PTPRG: variants seen among roughly 807,000 people sequenced by gnomAD.
PTPRG encodes the protein receptor-type tyrosine-protein phosphatase gamma.
In PTPRG, 102 loss-of-function variants were observed where a neutral mutation model predicts 165.3. The ratio of observed to expected loss-of-function variants is 0.62; its 90% confidence interval spans 0.53 to 0.73. The LOEUF is 0.73. Among genes scored for constraint, PTPRG ranks in the 30% least tolerant of loss-of-function variants. The probability of loss-of-function intolerance (pLI) is 0.00; values close to 1 mark genes in which losing one functional copy is unlikely to be tolerated. For missense variants in PTPRG, 1,866 were observed against 1,861.4 expected, an observed-to-expected ratio of 1.00 and a Z score of -0.05; for synonymous variants, 675 against 669.5, an observed-to-expected ratio of 1.01 and a Z score of -0.13.
At chr3:62,097,689 G>T (rs1284647115) in intron 5 of PTPRG, among the ~76,000 whole-genome samples, 1 of 152,160 alleles carries the variant, frequency 6.6e-6, no homozygotes, top group Non-Finnish European at 1.5e-5. Context: ...AACAAAGTGT[G>T]CATTTTTAAT....
chr3:61,695,373 T>C (rs1309933968), intron 1 of PTPRG, among the ~76,000 whole-genome samples: 1 of 152,218 alleles, frequency 6.6e-6, no homozygotes, highest in Non-Finnish European at 1.5e-5. Context: ...AGTTCCTGCA[T>C]TGGCTTGAGG....
At chr3:61,850,109 G>A (rs961179801) in intron 2 of PTPRG, among the ~76,000 whole-genome samples, 1 of 151,914 alleles carries the variant, frequency 6.6e-6, no homozygotes, top group African/African-American at 2.4e-5. Context: ...TAACGTGTAT[G>A]TATGTTTATA....
intron 1 of PTPRG, among the ~76,000 whole-genome samples, chr3:61,603,009 G>A (rs533174611): frequency 6.6e-6 from 1 of 152,266 alleles, no homozygotes; most frequent in East Asian, 1.9e-4. Context: ...ATAATGGTTT[G>A]CTACTGCACA....
intron 2 of PTPRG, among the ~76,000 whole-genome samples, chr3:61,971,810 A>C (rs780301752): frequency 1.1e-4 from 16 of 152,264 alleles, no homozygotes; most frequent in Non-Finnish European, 2.2e-4. Context: ...AGCATATATA[A>C]ATTATACCTC....
chr3:61,989,662 C>A lies in PTPRG; in HGVS notation c.228C>A (p.Val76=). 3.7e-6 allele frequency: 6 copies of A among 1,614,118 alleles called. No individual in the cohort carries two copies. The highest frequency in any genetic ancestry group is 4.2e-6 in the Non-Finnish European group (5 of 1,179,988). The change falls in exon 3 of 30, where the codon GTC becomes GTA. Residue 76 remains valine, a synonymous_variant. Transcript: ENST00000474889. ...YGPEHWVTSS[V]SCGGRHQSPI... is the part of the protein sequence containing the mutation. The stretch of plus-strand genomic sequence containing the variant: ...CTGAGCACTGGGTCACGTCTAGTGT[C>A]AGCTGTGGGGGCCGTCACCAGTCTC...
intron 2 of PTPRG, among the ~76,000 whole-genome samples, chr3:61,897,436 C>T (rs1213410911): frequency 1.3e-5 from 2 of 152,064 alleles, no homozygotes; most frequent in African/African-American, 4.8e-5. Context: ...TCTTCTGTTC[C>T]ATTGATTGAT....
intron 2 of PTPRG, among the ~76,000 whole-genome samples, chr3:61,915,608 C>T (rs1290322381): frequency 6.6e-6 from 1 of 152,172 alleles, no homozygotes; most frequent in Non-Finnish European, 1.5e-5. Context: ...AATCCTTGTT[C>T]AGAAGCTATA....
chr3:61,710,040 G>T (rs1220885883), intron 1 of PTPRG, among the ~76,000 whole-genome samples: 2 of 152,328 alleles, frequency 1.3e-5, no homozygotes, highest in East Asian at 3.9e-4. Flanking sequence ...TGTTTGCCAA[G>T]TTACTGTGAG....
chr3:62,179,544 G>GCTGA, intron 8 of PTPRG, among the ~76,000 whole-genome samples: 1 of 152,368 alleles, frequency 6.6e-6, no homozygotes, highest in East Asian at 1.9e-4. Context: ...TGAGGAGTGT[G>GCTGA]CTGACTGTTG....
intron 4 of PTPRG, among the ~76,000 whole-genome samples, chr3:62,009,080 A>G (rs766876023): frequency 2.0e-5 from 3 of 152,258 alleles, no homozygotes; most frequent in Admixed American, 6.5e-5. Context: ...ACATTTCTTC[A>G]TATCTGGTTT....
chr3:62,215,697 G>A (rs1327205160), intron 12 of PTPRG, among the ~76,000 whole-genome samples: 1 of 152,050 alleles, frequency 6.6e-6, no homozygotes, highest in Non-Finnish European at 1.5e-5. Flanking sequence ...CTATGCTGGT[G>A]GTTCTCACTT....
chr3:62,191,835 T>C (rs774915165), intron 9 of PTPRG, among the ~76,000 whole-genome samples, 182 bp downstream of exon 9: 62 of 152,186 alleles, frequency 4.1e-4, no homozygotes, highest in Non-Finnish European at 7.3e-4. Flanking sequence ...GGATGGAGCC[T>C]GCCTGGGCGC....
intron 4 of PTPRG, among the ~76,000 whole-genome samples, chr3:62,018,708 T>C (rs1039337715): frequency 3.3e-5 from 5 of 152,160 alleles, no homozygotes; most frequent in Non-Finnish European, 7.4e-5. Context: ...AAGGCATCCC[T>C]TGGAATAGGA....
intron 1 of PTPRG, among the ~76,000 whole-genome samples, chr3:61,587,583 C>G (rs984008815): frequency 1.7e-4 from 26 of 152,176 alleles, no homozygotes; most frequent in Admixed American, 5.2e-4. Context: ...AGACCTTATT[C>G]AAATTTAGTT....
chr3:61,741,683 A>G (rs1314818853), intron 1 of PTPRG, among the ~76,000 whole-genome samples: 1 of 152,188 alleles, frequency 6.6e-6, no homozygotes, highest in Non-Finnish European at 1.5e-5. Context: ...TCCCTGTAGG[A>G]GATAATGACA....
chr3:61,600,151 C>T (rs1022419202), intron 1 of PTPRG, among the ~76,000 whole-genome samples: 3 of 109,228 alleles, frequency 2.7e-5, no homozygotes, highest in African/African-American at 1.1e-4. Context: ...CAGAGTGAGA[C>T]ATTGTCTCAA....
chr3:61,592,258 C>T (rs1350767246), intron 1 of PTPRG, among the ~76,000 whole-genome samples: 4 of 152,268 alleles, frequency 2.6e-5, no homozygotes, highest in Admixed American at 1.3e-4. Flanking sequence ...TGAGCCACCG[C>T]GTCCAGCAGT....
intron 13 of PTPRG, among the ~76,000 whole-genome samples, chr3:62,221,538 T>C (rs567708266): frequency 1.3e-5 from 2 of 152,284 alleles, no homozygotes; most frequent in South Asian, 4.1e-4. Context: ...AATTGGTAAA[T>C]ACAGAGGAGA....
rs564761041 is a variant in PTPRG at position 62,166,197 on chromosome 3, C to CTTTTTTTTTT, written c.841-1747_841-1738dup. Among the ~76,000 whole-genome samples, 47 of 53,932 alleles carry CTTTTTTTTTT rather than the reference C, an allele frequency of 8.7e-4. 16 individuals are homozygous for CTTTTTTTTTT. Among genetic ancestry groups the CTTTTTTTTTT allele is most frequent in the South Asian group, 1.6e-3 (2 of 1,228 alleles). 35.4% of individuals were successfully genotyped at this position (53,932 alleles called of 152,430 possible). On this transcript the variant is annotated intron_variant, in intron 7 of 29. Transcript: ENST00000474889. ...TGGCTGCATATTTCAAATTACAGTT[C>CTTTTTTTTTT]TTTTTTTTTTTTTTTTTTTTTTTTT...
Sources: allele counts gnomAD v4.1 joint callset (sites outside exome capture counted in the v4.1 genomes callset), GRCh38; gene constraint gnomAD v4.1.1; transcripts MANE v1.5; gene names NCBI Gene and HGNC (gene_info 2026-07-23, HGNC 2026-07-21).